Variants in EPB41L5 observed in about 807,000 individuals in gnomAD.
EPB41L5 encodes the protein erythrocyte membrane protein band 4.1 like 5.
Under a neutral mutation model 106.6 loss-of-function variants are expected in EPB41L5, and 55 were observed. The observed-to-expected ratio is 0.52, with a 90% CI of 0.42 to 0.65. The LOEUF is 0.65. EPB41L5 is among the 30% of genes least tolerant of loss of function. The probability of loss-of-function intolerance (pLI) is 0.00; values close to 1 mark genes in which losing one functional copy is unlikely to be tolerated. For synonymous variants in EPB41L5, 297 were observed against 306.7 expected, an observed-to-expected ratio of 0.97 and a Z score of 0.33; for missense variants, 871 against 882.1, an observed-to-expected ratio of 0.99 and a Z score of 0.16.
At chr2:120,110,984 A>G (rs1378909929) in intron 16 of EPB41L5, among the ~76,000 whole-genome samples, 1 of 151,974 alleles carries the variant, frequency 6.6e-6, no homozygotes, top group East Asian at 1.9e-4. Context: ...ACTTGTACCA[A>G]TGTTAATTTC....
chr2:120,036,894 T>G (rs1237869781), intron 2 of EPB41L5, among the ~76,000 whole-genome samples: 1 of 152,046 alleles, frequency 6.6e-6, no homozygotes, highest in African/African-American at 2.4e-5. Flanking sequence ...AATTCAAAAG[T>G]AGGAGTTCCT....
At chr2:120,105,455 G>A in intron 16 of EPB41L5, 3 of 985,318 alleles carry the variant, frequency 3.0e-6, no homozygotes, top group Non-Finnish European at 2.4e-6. Context: ...CTTCCTGCCA[G>A]ACAAAGATTA....
In EPB41L5 at chr2:120,082,700, C is replaced by G. The variant is rs981503592; in HGVS notation, c.803+4119C>G. Among the ~76,000 whole-genome samples the G allele has an allele frequency of 2.7e-4, 41 of 152,006 alleles. 1 individual carries two copies. The highest frequency in any genetic ancestry group is 8.0e-4 in the African/African-American group (33 of 41,362). ...GAATGGTACCAGCTCCTCCTTGTACCTCTGGTAGAATTTGGCTATGAATCC... is the reference window on the plus strand; with the variant it reads ...GAATGGTACCAGCTCCTCCTTGTACGTCTGGTAGAATTTGGCTATGAATCC... On this transcript the variant is annotated intron_variant, in intron 10 of 24. Transcript: ENST00000263713.
chr2:120,167,828 C>G (rs755084683), intron 23 of EPB41L5, 49 bp from the exon 24 acceptor site: 1 of 1,608,606 alleles, frequency 6.2e-7, no homozygotes, highest in Non-Finnish European at 8.5e-7. Flanking sequence ...AAGTGCTGAC[C>G]AGGCAGGTAT....
chr2:120,034,492 G>C (rs777204209), intron 2 of EPB41L5, among the ~76,000 whole-genome samples: 28 of 152,170 alleles, frequency 1.8e-4, no homozygotes, highest in Non-Finnish European at 3.1e-4. Flanking sequence ...GCTTTCTGCT[G>C]TAGTGTAGAA....
chr2:120,054,323 C>T (rs750752679), intron 3 of EPB41L5, among the ~76,000 whole-genome samples: 16 of 152,176 alleles, frequency 1.1e-4, no homozygotes, highest in African/African-American at 3.6e-4. Flanking sequence ...TAGTCAGATA[C>T]ATCTGCAAAC....
At chr2:120,077,415 T>A in intron 9 of EPB41L5, 99 bp downstream of exon 9, 2 of 947,964 alleles carry the variant, frequency 2.1e-6, no homozygotes, top group Non-Finnish European at 3.3e-6. Context: ...GGAGTTTGCA[T>A]AAGCTAGCAC....
intron 2 of EPB41L5, among the ~76,000 whole-genome samples, chr2:120,039,623 C>G (rs560029629): frequency 2.6e-5 from 4 of 151,812 alleles, no homozygotes; most frequent in Non-Finnish European, 5.9e-5. Flanking sequence ...GTCGGGAGTT[C>G]GAGACCAGCC....
At chr2:120,127,919 C>T in intron 17 of EPB41L5, 68 bp downstream of exon 17, 1 of 1,344,394 alleles carries the variant, frequency 7.4e-7, no homozygotes, top group East Asian at 2.5e-5. Context: ...ATATTTAAAT[C>T]AGCTTCTCCA....
intron 4 of EPB41L5, 36 bp from the exon 5 acceptor site, chr2:120,074,064 T>C: frequency 1.3e-6 from 2 of 1,493,758 alleles, no homozygotes; most frequent in Non-Finnish European, 1.8e-6. Flanking sequence ...TTAAGTAGTT[T>C]ATTTTATTAA....
At chr2:120,143,223 A>G in intron 19 of EPB41L5, 92 bp downstream of exon 19, 1 of 1,314,968 alleles carries the variant, frequency 7.6e-7, no homozygotes, top group South Asian at 1.7e-5. Context: ...TAATCAAGCT[A>G]GATTAATGGT....
At chr2:120,086,393 A>G (rs28742180) in intron 10 of EPB41L5, among the ~76,000 whole-genome samples, 4,938 of 152,234 alleles carry the variant, frequency 0.032, 269 homozygotes, top group African/African-American at 0.11. Context: ...AAGTAGGGAG[A>G]TACAGTTGGA....
intron 3 of EPB41L5, among the ~76,000 whole-genome samples, chr2:120,071,223 A>T (rs1239930697): frequency 2.0e-5 from 3 of 152,228 alleles, no homozygotes; most frequent in African/African-American, 4.8e-5. Flanking sequence ...GTGAACTCCC[A>T]TTCACAATTG....
At chr2:120,087,625 C>CAGGCACAT in intron 11 of EPB41L5, among the ~76,000 whole-genome samples, 1 of 152,238 alleles carries the variant, frequency 6.6e-6, no homozygotes, top group East Asian at 1.9e-4. Context: ...GCTGGGACTG[C>CAGGCACAT]AGGCACATGC....
chr2:120,017,989 T>C (rs1574460241), intron 1 of EPB41L5, among the ~76,000 whole-genome samples: 1 of 133,736 alleles, frequency 7.5e-6, no homozygotes. Flanking sequence ...TGAGACGGAG[T>C]CTTGCTCTGT....
At chr2:120,081,231 T>TAA (rs961457234) in intron 10 of EPB41L5, among the ~76,000 whole-genome samples, 1 of 152,238 alleles carries the variant, frequency 6.6e-6, no homozygotes, top group African/African-American at 2.4e-5. Flanking sequence ...CTAGGGTTTT[T>TAA]ATGGTTTTAG....
intron 3 of EPB41L5, among the ~76,000 whole-genome samples, chr2:120,055,505 T>TTTC (rs1477309110): frequency 2.0e-5 from 3 of 147,410 alleles, no homozygotes; most frequent in African/African-American, 7.5e-5. Context: ...TTTTTTTTTT[T>TTTC]TGAGACAGAG....
At chr2:120,075,779 A>T in intron 7 of EPB41L5, 26 bp downstream of exon 7, 2 of 1,561,254 alleles carry the variant, frequency 1.3e-6, no homozygotes, top group Non-Finnish European at 1.8e-6. Context: ...GTTGACTGTT[A>T]AGACTCAAGT....
intron 2 of EPB41L5, among the ~76,000 whole-genome samples, chr2:120,026,226 G>A (rs1678303392): frequency 6.6e-6 from 1 of 152,096 alleles, no homozygotes; most frequent in Non-Finnish European, 1.5e-5. Context: ...ACATATTTTG[G>A]GGGTACATAG....
Sources: allele counts gnomAD v4.1 joint callset (sites outside exome capture counted in the v4.1 genomes callset), GRCh38; gene constraint gnomAD v4.1.1; transcripts MANE v1.5; gene names NCBI Gene and HGNC (gene_info 2026-07-23, HGNC 2026-07-21).